PRKD1: variants seen among roughly 807,000 people sequenced by gnomAD.
The protein encoded by PRKD1 is serine/threonine-protein kinase D1.
Under a neutral mutation model 95.9 loss-of-function variants are expected in PRKD1, and 63 were observed. That is an observed-to-expected ratio of 0.66 (90% confidence interval 0.54 to 0.81). PRKD1 has a LOEUF of 0.81. Among genes scored for constraint, PRKD1 ranks in the 30% least tolerant of loss-of-function variants. PRKD1 has a pLI of 0.00. For synonymous variants in PRKD1, 425 were observed against 423.1 expected, an observed-to-expected ratio of 1.00 and a Z score of -0.05; for missense variants, 1,048 against 1,165.3, an observed-to-expected ratio of 0.90 and a Z score of 1.47.
At chr14:29,609,354 G>A (rs545095010) in intron 13 of PRKD1, among the ~76,000 whole-genome samples, 1 of 152,054 alleles carries the variant, frequency 6.6e-6, no homozygotes, top group South Asian at 2.1e-4. Flanking sequence ...CACAATGCAT[G>A]ATTACAATTT....
chr14:29,725,457 C>T, intron 2 of PRKD1, 79 bp downstream of exon 2: 5 of 1,504,472 alleles, frequency 3.3e-6, no homozygotes, highest in Admixed American at 3.8e-5. Flanking sequence ...TTTTATGTTT[C>T]CTTAAAAACA....
At chr14:29,654,963 G>A (rs1048283510) in intron 4 of PRKD1, among the ~76,000 whole-genome samples, 4 of 152,152 alleles carry the variant, frequency 2.6e-5, no homozygotes, top group South Asian at 2.1e-4. Flanking sequence ...AGCTCATGCC[G>A]AAAACACATC....
chr14:29,626,776 G>A (rs1335389004), intron 11 of PRKD1, among the ~76,000 whole-genome samples: 2 of 149,326 alleles, frequency 1.3e-5, no homozygotes, highest in Non-Finnish European at 3.0e-5. Context: ...GTGCAGTGGC[G>A]CAATCTTGGC....
chr14:29,698,597 G>A (rs1884660460), intron 2 of PRKD1, among the ~76,000 whole-genome samples: 1 of 151,754 alleles, frequency 6.6e-6, no homozygotes, highest in African/African-American at 2.4e-5. Context: ...ATTGGGAAAG[G>A]GCTGGCCTTC....
chr14:29,635,666 A>T (rs1880318316), intron 7 of PRKD1, among the ~76,000 whole-genome samples: 1 of 152,160 alleles, frequency 6.6e-6, no homozygotes, highest in Non-Finnish European at 1.5e-5. Context: ...ACCTAACTTT[A>T]CCAATATAGT....
chr14:29,759,654 G>A (rs1887882192), intron 1 of PRKD1, among the ~76,000 whole-genome samples: 1 of 152,182 alleles, frequency 6.6e-6, no homozygotes, highest in South Asian at 2.1e-4. Flanking sequence ...CTATTAAAAT[G>A]TGTAACAGTA....
At chr14:29,800,691 G>A (rs1050005923) in intron 1 of PRKD1, among the ~76,000 whole-genome samples, 1 of 152,118 alleles carries the variant, frequency 6.6e-6, no homozygotes, top group African/African-American at 2.4e-5. Context: ...AAAAAAATGT[G>A]TGTTTTCTGT....
intron 1 of PRKD1, chr14:29,812,114 C>G (rs1200126932): frequency 6.6e-6 from 1 of 152,164 alleles, no homozygotes; most frequent in Non-Finnish European, 1.5e-5. Context: ...GTGCCCATAT[C>G]GATATCTTAG....
intron 4 of PRKD1, among the ~76,000 whole-genome samples, chr14:29,642,130 T>C (rs1880819624): frequency 6.6e-6 from 1 of 152,084 alleles, no homozygotes; most frequent in Non-Finnish European, 1.5e-5. Flanking sequence ...CTCGAACTCC[T>C]GACCTCAGGT....
intron 1 of PRKD1, among the ~76,000 whole-genome samples, chr14:29,816,997 T>G (rs1890719408): frequency 6.6e-6 from 1 of 152,180 alleles, no homozygotes; most frequent in Non-Finnish European, 1.5e-5. Context: ...GATGACATAT[T>G]AAGGCCTGAA....
At chr14:29,770,930 C>CAAAAAAAAAAAAAA (rs753745571) in intron 1 of PRKD1, among the ~76,000 whole-genome samples, 1 of 47,164 alleles carries the variant, frequency 2.1e-5, no homozygotes, top group African/African-American at 6.0e-5. Flanking sequence ...AGACACTGTC[C>CAAAAAAAAAAAAAA]AAAAAAAAAA....
At chr14:29,922,613 G>A (rs896190259) in intron 1 of PRKD1, among the ~76,000 whole-genome samples, 1 of 152,172 alleles carries the variant, frequency 6.6e-6, no homozygotes, top group Admixed American at 6.5e-5. Flanking sequence ...GCAGGGCACA[G>A]TGGCTCATGC....
At chr14:29,706,212 T>C (rs988103230) in intron 2 of PRKD1, among the ~76,000 whole-genome samples, 1 of 152,138 alleles carries the variant, frequency 6.6e-6, no homozygotes, top group Admixed American at 6.6e-5. Flanking sequence ...TGAGCACCTT[T>C]TCATGTGCTT....
Position 29,638,892 on chromosome 14 carries a change from A to G in PRKD1, c.709T>C (p.Ser237Pro). ...TTCTCTCGACCAATAAACGACTCTG[A>G]TGGTGATTTTTGCTACATTTTGGAA... Reference protein sequence around the residue: ...PDEPLLQKSPSESFIGREKRS... With the variant: ...PDEPLLQKSPPESFIGREKRS... Residue 237 changes from serine (S) to proline (P), a missense_variant, in exon 5 of 18, where the codon TCA becomes CCA. Physicochemically the swap from Ser to Pro is moderately conservative, Grantham distance 74 (BLOSUM62 -1). This residue lies in a region of PRKD1 where 739 missense variants were observed against 861.9 expected (regional missense o/e 0.86). Transcript: ENST00000331968. 6.2e-7 allele frequency: 1 copy of G among 1,614,036 alleles called. No individual in the cohort carries two copies. Among genetic ancestry groups the G allele is most frequent in the Middle Eastern group, 1.6e-4 (1 of 6,062 alleles).
intron 1 of PRKD1, among the ~76,000 whole-genome samples, chr14:29,903,952 C>T (rs1489478422): frequency 6.6e-6 from 1 of 152,032 alleles, no homozygotes; most frequent in African/African-American, 2.4e-5. Flanking sequence ...TTTTTACATA[C>T]ACATATATTT....
At chr14:29,702,831 T>A (rs908319939) in intron 2 of PRKD1, among the ~76,000 whole-genome samples, 1 of 152,202 alleles carries the variant, frequency 6.6e-6, no homozygotes, top group Non-Finnish European at 1.5e-5. Context: ...TTTAGCAATA[T>A]CCTAAAAGTG....
chr14:29,593,528 T>C (rs1893202184), intron 16 of PRKD1, among the ~76,000 whole-genome samples: 1 of 152,204 alleles, frequency 6.6e-6, no homozygotes, highest in African/African-American at 2.4e-5. Context: ...AGCCAATCAG[T>C]GCCCCTTCCA....
intron 4 of PRKD1, among the ~76,000 whole-genome samples, chr14:29,644,276 T>C (rs966454258): frequency 6.6e-6 from 1 of 152,240 alleles, no homozygotes; most frequent in Non-Finnish European, 1.5e-5. Flanking sequence ...GCTCTGTACT[T>C]GTCTGCCTGC....
chr14:29,805,825 G>A (rs1338574272), intron 1 of PRKD1, among the ~76,000 whole-genome samples: 1 of 152,236 alleles, frequency 6.6e-6, no homozygotes, highest in Non-Finnish European at 1.5e-5. Flanking sequence ...AACAGAAAGT[G>A]TGAGTCATCA....
Sources: gnomAD v4.1 joint callset for allele counts (sites outside exome capture counted in the v4.1 genomes callset) on GRCh38, gnomAD v4.1.1 for gene constraint, gnomAD v4.1.1 regional missense constraint, MANE v1.5 for transcripts, NCBI Gene and HGNC (gene_info 2026-07-23, HGNC 2026-07-21) for gene names.